The following MAP2K6 variants were observed in gnomAD, a reference collection of about 807,000 sequenced individuals.
MAP2K6 encodes dual specificity mitogen-activated protein kinase kinase 6.
Under a neutral mutation model 53.7 loss-of-function variants are expected in MAP2K6, and 16 were observed. That is an observed-to-expected ratio of 0.30 (90% CI 0.20 to 0.45). The LOEUF is 0.45. Among genes scored for constraint, MAP2K6 ranks in the 20% least tolerant of loss-of-function variants. The probability of loss-of-function intolerance (pLI) is 1.00; values close to 1 mark genes in which losing one functional copy is unlikely to be tolerated. For synonymous variants in MAP2K6, 132 were observed against 143.1 expected, an observed-to-expected ratio of 0.92 and a Z score of 0.55; for missense variants, 204 against 411.9, an observed-to-expected ratio of 0.50 and a Z score of 4.37.
intron 1 of MAP2K6, among the ~76,000 whole-genome samples, chr17:69,430,175 T>TA (rs1325510639): frequency 6.6e-6 from 1 of 151,526 alleles, no homozygotes; most frequent in African/African-American, 2.4e-5. Flanking sequence ...ACAAACATAT[T>TA]AAAAAAGTAA....
chr17:69,475,727 C>T (rs1370770960), intron 1 of MAP2K6, among the ~76,000 whole-genome samples: 5 of 152,164 alleles, frequency 3.3e-5, no homozygotes, highest in African/African-American at 1.2e-4. Flanking sequence ...CTCCAGGTAG[C>T]TCACCCTCCT....
intron 1 of MAP2K6, among the ~76,000 whole-genome samples, chr17:69,452,544 T>C (rs868271106): frequency 9.9e-5 from 15 of 152,182 alleles, no homozygotes; most frequent in African/African-American, 3.6e-4. Context: ...TCAAGAAATC[T>C]AGATAACAGT....
intron 11 of MAP2K6, among the ~76,000 whole-genome samples, chr17:69,539,812 A>G (rs748470542): frequency 7.9e-5 from 12 of 152,172 alleles, no homozygotes; most frequent in Non-Finnish European, 1.5e-4. Context: ...AAGATTTCCA[A>G]ATGTCCAGAG....
chr17:69,506,693 G>C (rs1289692506), intron 2 of MAP2K6, among the ~76,000 whole-genome samples: 2 of 152,190 alleles, frequency 1.3e-5, no homozygotes, highest in African/African-American at 4.8e-5. Flanking sequence ...TGCACCCCTA[G>C]TGTTGGAATG....
intron 1 of MAP2K6, among the ~76,000 whole-genome samples, chr17:69,444,583 T>A (rs1261530620): frequency 2.0e-5 from 3 of 152,190 alleles, no homozygotes; most frequent in Non-Finnish European, 4.4e-5. Context: ...CCCAACCGGA[T>A]GGAGCTGCTG....
intron 1 of MAP2K6, among the ~76,000 whole-genome samples, chr17:69,449,511 TTCTTTG>T (rs1231774320): frequency 6.3e-5 from 7 of 110,682 alleles, no homozygotes; most frequent in African/African-American, 1.5e-4. Flanking sequence ...TTTTCTTTCT[TTCTTTG>T]TCTTTCTTTC....
At chr17:69,476,259 A>G (rs975862835) in intron 1 of MAP2K6, among the ~76,000 whole-genome samples, 24 of 152,168 alleles carry the variant, frequency 1.6e-4, no homozygotes, top group African/African-American at 5.3e-4. Flanking sequence ...CCCAATAACA[A>G]TGAGAACACC....
intron 1 of MAP2K6, among the ~76,000 whole-genome samples, chr17:69,448,193 G>A (rs1907039201): frequency 6.6e-6 from 1 of 151,348 alleles, no homozygotes; most frequent in Admixed American, 6.6e-5. Flanking sequence ...CACTAGCAAT[G>A]GCTCAATTAT....
chr17:69,416,081 G>A (rs999503564), intron 1 of MAP2K6, among the ~76,000 whole-genome samples: 9 of 152,174 alleles, frequency 5.9e-5, no homozygotes, highest in Non-Finnish European at 1.3e-4. Context: ...CATATGAGAA[G>A]TATGGGATGA....
chr17:69,449,768 C>T lies in MAP2K6; in HGVS notation c.16+34768C>T, dbSNP rs958064855. ...AGCTGGGACTACAGGCGCCCGCCAC[C>T]TCGCCCGGCTAATTTTTTGTATTTT... On this transcript the variant is annotated intron_variant, in intron 1 of 11. Coordinates refer to ENST00000590474, the MANE Select transcript of MAP2K6 (RefSeq NM_002758.4). Among the ~76,000 whole-genome samples, 94 of 150,392 alleles carry T rather than the reference C, an allele frequency of 6.3e-4. 1 individual carries two copies. The highest frequency in any genetic ancestry group is 8.3e-4 in the Non-Finnish European group (56 of 67,606).
At position 69,494,780 on chromosome 17, in the gene MAP2K6, T is replaced by C. The variant is rs1598289272; in HGVS notation, c.17-11000T>C. On this transcript the variant is annotated intron_variant, in intron 1 of 11. Coordinates refer to ENST00000590474, the MANE Select transcript of MAP2K6 (RefSeq NM_002758.4). This position sits in a 1 kb window ranked among gnomAD's most constrained non-coding sequence, Gnocchi z 4.2. ...CAGCACTTTGGGAGGCTGGGGCGGG[T>C]GGATCACCTGAGGTCAGGAATTCGA... Among the ~76,000 whole-genome samples the C allele has an allele frequency of 6.6e-6, 1 of 151,032 alleles. No individual in the cohort carries two copies. The highest frequency in any genetic ancestry group is 1.5e-5 in the Non-Finnish European group (1 of 67,736).
At chr17:69,455,851 G>GTTT (rs11317793) in intron 1 of MAP2K6, among the ~76,000 whole-genome samples, 4 of 95,372 alleles carry the variant, frequency 4.2e-5, no homozygotes, top group South Asian at 7.4e-4. Flanking sequence ...TGGACTTTCA[G>GTTT]TTTTTTTTTT....
intron 1 of MAP2K6, among the ~76,000 whole-genome samples, chr17:69,454,133 G>A (rs1248482586): frequency 1.3e-5 from 2 of 152,140 alleles, no homozygotes; most frequent in East Asian, 3.8e-4. Context: ...GGTTTGGTAG[G>A]AGCAATAAAA....
chr17:69,518,295 T>A (rs1910281448), intron 4 of MAP2K6, among the ~76,000 whole-genome samples: 1 of 152,176 alleles, frequency 6.6e-6, no homozygotes, highest in Non-Finnish European at 1.5e-5. Flanking sequence ...GTTTGTTTTG[T>A]CCTGTTGGAT....
intron 1 of MAP2K6, among the ~76,000 whole-genome samples, chr17:69,425,087 C>T (rs1906225623): frequency 6.6e-6 from 1 of 152,154 alleles, no homozygotes; most frequent in South Asian, 2.1e-4. Context: ...TGGCAGCATA[C>T]CTAAGTGTGG....
At chr17:69,490,914 G>A (rs1216275530) in intron 1 of MAP2K6, among the ~76,000 whole-genome samples, 1 of 151,742 alleles carries the variant, frequency 6.6e-6, no homozygotes, top group African/African-American at 2.4e-5. Context: ...GTTCCCTCAT[G>A]TGTCCGTGTG....
chr17:69,459,140 T>C (rs1460129294), intron 1 of MAP2K6, among the ~76,000 whole-genome samples: 1 of 152,172 alleles, frequency 6.6e-6, no homozygotes, highest in Admixed American at 6.5e-5. Flanking sequence ...TAAAAACGTG[T>C]TTTACAAATT....
chr17:69,514,335 C>G (rs1910027379), intron 2 of MAP2K6, among the ~76,000 whole-genome samples: 1 of 152,062 alleles, frequency 6.6e-6, no homozygotes, highest in Non-Finnish European at 1.5e-5. Context: ...GAAAAATTCC[C>G]TGCTCAGAAA....
chr17:69,505,442 CAAA>C (rs33993512), intron 1 of MAP2K6: 3,117 of 115,372 alleles, frequency 0.027, 3 homozygotes, highest in South Asian at 0.066. Flanking sequence ...GACTCTGTCT[CAAA>C]AAAAAAAAAA....
Sources: gnomAD v4.1 joint callset for allele counts (sites outside exome capture counted in the v4.1 genomes callset) on GRCh38, gnomAD v4.1.1 for gene constraint, Gnocchi (gnomAD v3.1) non-coding constraint, MANE v1.5 for transcripts, NCBI Gene and HGNC (gene_info 2026-07-23, HGNC 2026-07-21) for gene names.